The following CDH18 variants were observed in gnomAD, a reference collection of about 807,000 sequenced individuals.
The protein encoded by CDH18 is cadherin 18.
In CDH18, 31 loss-of-function variants were observed where a neutral mutation model predicts 67.9. That is an observed-to-expected ratio of 0.46 (90% CI 0.34 to 0.62). The LOEUF is 0.62. Among genes scored for constraint, CDH18 ranks in the 20% least tolerant of loss-of-function variants. The pLI, the probability that CDH18 is intolerant of heterozygous loss-of-function variation, is 0.01. For synonymous variants in CDH18, 362 were observed against 347.2 expected, an observed-to-expected ratio of 1.04 and a Z score of -0.48; for missense variants, 890 against 975.5, an observed-to-expected ratio of 0.91 and a Z score of 1.17.
At chr5:19,834,555 T>A (rs1781414079) in intron 3 of CDH18, among the ~76,000 whole-genome samples, 1 of 152,086 alleles carries the variant, frequency 6.6e-6, no homozygotes. Flanking sequence ...TTATTTCTTG[T>A]CTTCTGCTAG....
At chr5:20,458,521 G>A (rs1000369916) in intron 1 of CDH18, among the ~76,000 whole-genome samples, 5 of 152,216 alleles carry the variant, frequency 3.3e-5, no homozygotes, top group Admixed American at 6.5e-5. Context: ...AGGATGCTGA[G>A]GCAGGAGAAT....
chr5:19,526,394 G>C (rs1747758214), intron 9 of CDH18, among the ~76,000 whole-genome samples: 1 of 152,112 alleles, frequency 6.6e-6, no homozygotes, highest in Non-Finnish European at 1.5e-5. Flanking sequence ...CTATTGCAGT[G>C]CAAGTGGAAG....
chr5:19,927,358 G>A (rs181697973), intron 2 of CDH18, among the ~76,000 whole-genome samples: 15 of 152,174 alleles, frequency 9.9e-5, no homozygotes, highest in Admixed American at 9.2e-4. Context: ...ACTCTATGAG[G>A]TAGTTTTGAC....
chr5:20,473,783 A>G (rs1253362031), intron 1 of CDH18, among the ~76,000 whole-genome samples: 1 of 152,140 alleles, frequency 6.6e-6, no homozygotes, highest in Admixed American at 6.5e-5. Context: ...GTGGTTGCCA[A>G]TCCTTGATTA....
chr5:20,371,439 G>A (rs182973936), intron 1 of CDH18, among the ~76,000 whole-genome samples: 1 of 152,310 alleles, frequency 6.6e-6, no homozygotes, highest in Non-Finnish European at 1.5e-5. Flanking sequence ...GGAACAATGG[G>A]AGACTTTCTT....
At chr5:20,271,712 C>T (rs1220530126) in intron 1 of CDH18, among the ~76,000 whole-genome samples, 1 of 152,018 alleles carries the variant, frequency 6.6e-6, no homozygotes, top group East Asian at 1.9e-4. Flanking sequence ...AGGAAACAGA[C>T]CTCAGGGAAA....
At chr5:19,821,075 C>T (rs991135430) in intron 3 of CDH18, among the ~76,000 whole-genome samples, 1 of 152,124 alleles carries the variant, frequency 6.6e-6, no homozygotes, top group African/African-American at 2.4e-5. Flanking sequence ...GAAGACTACA[C>T]TAGCTCCCCG....
chr5:19,931,134 T>A (rs1392485046), intron 2 of CDH18, among the ~76,000 whole-genome samples: 1 of 152,000 alleles, frequency 6.6e-6, no homozygotes, highest in Non-Finnish European at 1.5e-5. Flanking sequence ...ACTAATTTTG[T>A]CACATTTAAG....
Position 20,122,552 on chromosome 5 carries a change from G to A in CDH18, c.-517-130538C>T, listed in dbSNP as rs537449104. Among the ~76,000 whole-genome samples the A allele has an allele frequency of 3.2e-4, 48 of 152,004 alleles. 1 individual carries two copies. In the South Asian group the frequency reaches 9.3e-3, roughly 30 times the overall value. ...AATTTGATAACTATAGTATCTTGAC[G>A]TGACTGATTAATATTAAATTAATAT... On this transcript the variant is annotated intron_variant, in intron 2 of 14. Coordinates refer to the CDH18 transcript ENST00000507958.
chr5:19,626,066 T>C (rs1751489473), intron 5 of CDH18, among the ~76,000 whole-genome samples: 1 of 152,098 alleles, frequency 6.6e-6, no homozygotes, highest in African/African-American at 2.4e-5. Context: ...CACTTTAACT[T>C]GATGATTTCT....
intron 2 of CDH18, among the ~76,000 whole-genome samples, chr5:20,242,622 A>ATACATGTATATATATATATG (rs1743046943): frequency 2.8e-5 from 3 of 106,968 alleles, no homozygotes; most frequent in African/African-American, 4.3e-5. Flanking sequence ...ATATATATAT[A>ATACATGTATATATATATATG]TATATATATA....
intron 1 of CDH18, among the ~76,000 whole-genome samples, chr5:20,351,592 G>GT (rs59293761): frequency 0.56 from 84,129 of 150,842 alleles, 24,756 homozygotes; most frequent in East Asian, 0.8. Context: ...AGCTGAAAAT[G>GT]TTTTTTTTTG....
At chr5:20,423,441 G>A (rs2150162315) in intron 1 of CDH18, among the ~76,000 whole-genome samples, 1 of 151,136 alleles carries the variant, frequency 6.6e-6, no homozygotes, top group African/African-American at 2.5e-5. Flanking sequence ...GAAATACACA[G>A]CAAATATTGT....
chr5:19,539,160 C>T (rs1020328579), intron 9 of CDH18, among the ~76,000 whole-genome samples: 5 of 152,154 alleles, frequency 3.3e-5, no homozygotes, highest in African/African-American at 1.2e-4. Context: ...TCTTTCTATA[C>T]ACCTGTTTAT....
At chr5:20,104,087 T>C (rs982824646) in intron 2 of CDH18, among the ~76,000 whole-genome samples, 3 of 150,472 alleles carry the variant, frequency 2.0e-5, no homozygotes, top group African/African-American at 7.3e-5. Flanking sequence ...TAGATGATTA[T>C]ATATATAGCT....
intron 2 of CDH18, among the ~76,000 whole-genome samples, chr5:20,245,100 A>G (rs1439742133): frequency 6.6e-6 from 1 of 152,136 alleles, no homozygotes; most frequent in African/African-American, 2.4e-5. Flanking sequence ...CAGTTCTATA[A>G]AATGGCTTTT....
At chr5:20,040,437 G>A (rs1435916169) in intron 2 of CDH18, among the ~76,000 whole-genome samples, 1 of 152,096 alleles carries the variant, frequency 6.6e-6, no homozygotes, top group Non-Finnish European at 1.5e-5. Context: ...ACAGTAAGGT[G>A]TACTGAGTTT....
At chr5:19,506,896 T>A (rs373706750) in intron 10 of CDH18, among the ~76,000 whole-genome samples, 201 of 152,176 alleles carry the variant, frequency 1.3e-3, no homozygotes, top group East Asian at 4.1e-3. Context: ...AAGCCAAAAT[T>A]GACAAATGGG....
At chr5:19,504,287 G>A (rs1043290421) in intron 10 of CDH18, among the ~76,000 whole-genome samples, 6 of 151,948 alleles carry the variant, frequency 3.9e-5, no homozygotes, top group African/African-American at 1.4e-4. Flanking sequence ...CTCTTTCACC[G>A]CCTTTCCATC....
Sources: gnomAD v4.1 joint callset for allele counts (sites outside exome capture counted in the v4.1 genomes callset) on GRCh38, gnomAD v4.1.1 for gene constraint, MANE v1.5 for transcripts, NCBI Gene and HGNC (gene_info 2026-07-23, HGNC 2026-07-21) for gene names.